LYST: variants seen among roughly 807,000 people sequenced by gnomAD.
LYST encodes lysosomal trafficking regulator.
Under a neutral mutation model 413.6 loss-of-function variants are expected in LYST, and 192 were observed. The ratio of observed to expected loss-of-function variants is 0.46; its 90% CI spans 0.41 to 0.52. The LOEUF is 0.52. LYST is among the 20% of genes least tolerant of loss of function. The pLI, the probability that LYST is intolerant of heterozygous loss-of-function variation, is 0.00. For synonymous variants in LYST, 1,525 were observed against 1,567.3 expected (o/e 0.97, Z 0.64); for missense variants, 3,815 against 4,499.9 (o/e 0.85, Z 4.35).
intron 48 of LYST, among the ~76,000 whole-genome samples, chr1:235,680,152 T>C (rs1478140465): frequency 6.6e-6 from 1 of 152,058 alleles, no homozygotes; most frequent in Non-Finnish European, 1.5e-5. Flanking sequence ...TTTGTATATA[T>C]ATTTTATCCA....
At position 235,734,577 on chromosome 1, in the gene LYST, G is replaced by C. The variant is rs1176230982; in HGVS notation, c.8441C>G (p.Ala2814Gly). Residue 2814 changes from alanine to glycine, a missense_variant, in exon 32 of 53, where the codon GCA becomes GGA. Physicochemically the swap from Ala to Gly is moderately conservative, Grantham distance 60. Coordinates refer to ENST00000389793, the MANE Select transcript of LYST (RefSeq NM_000081.4). The part of the protein sequence containing the change: ...GELTEEELGT[A>G]ELLMNALKLC... ...CTTCAAAGCATTCATAAGCAGTTCT[G>C]CTGTGCCTAGCTCTTCTTCAGTCAA... is the stretch of plus-strand genomic sequence containing the variant. 4 of 1,613,272 alleles carry C rather than the reference G, an allele frequency of 2.5e-6. No individual in the cohort carries two copies. The South Asian group carries it at 4.4e-5, about 18-fold the overall frequency.
In LYST at chr1:235,677,584, G is replaced by A; in HGVS notation, c.10836C>T (p.Leu3612=). 1.2e-6 allele frequency: 2 copies of A among 1,612,732 alleles called. No homozygotes were observed. Among genetic ancestry groups the A allele is most frequent in the Non-Finnish European group, 1.7e-6 (2 of 1,178,950 alleles). The change falls in exon 49 of 53, where the codon CTC becomes CTT. Residue 3612 remains leucine, a synonymous_variant. Coordinates refer to ENST00000389793, the MANE Select transcript of LYST (RefSeq NM_000081.4). ...TGGTTATCTCTTCTGTGTGACCATA[G>A]AGATGTATTTGAGTCTCCATTTCTA... ...SEIEMETQIH[L]YGHTEEITSL... is the part of the protein sequence containing the mutation.
intron 48 of LYST, among the ~76,000 whole-genome samples, chr1:235,683,872 T>C (rs1345287176): frequency 6.6e-6 from 1 of 152,178 alleles, no homozygotes; most frequent in South Asian, 2.1e-4. Context: ...ACACGATCCC[T>C]GGGAAAAAGC....
rs1429098651 is a variant in LYST, at chr1:235,664,677, C to T, written c.11039-56G>A. The T allele has an allele frequency of 4.4e-6, 7 of 1,588,288 alleles. No homozygotes were observed. The East Asian group carries it at 9.0e-5, about 20-fold the overall frequency. ...CAGAATGTGGCTGTCTCAGAGCCCA[C>T]ATTTGGCCCCAGAAGGGCAACCCTG... On this transcript the variant is annotated intron_variant, in intron 50 of 52. Coordinates refer to ENST00000389793, the MANE Select transcript of LYST (RefSeq NM_000081.4). The surrounding 1 kb of genome is among the most constrained non-coding windows in gnomAD (Gnocchi z 4.5).
At chr1:235,718,363 CTTTTT>C (rs549670425) in intron 40 of LYST, among the ~76,000 whole-genome samples, 11 of 145,454 alleles carry the variant, frequency 7.6e-5, no homozygotes, top group African/African-American at 2.7e-4. Context: ...AGCATATTCA[CTTTTT>C]TTTTTTTTCA....
chr1:235,729,882 C>T (rs1008287705), intron 36 of LYST, among the ~76,000 whole-genome samples: 1 of 152,048 alleles, frequency 6.6e-6, no homozygotes, highest in Non-Finnish European at 1.5e-5. Context: ...ATCCCTATAA[C>T]CTGTAGACAG....
chr1:235,861,962 C>A (rs888724177), intron 1 of LYST, among the ~76,000 whole-genome samples: 4 of 152,298 alleles, frequency 2.6e-5, no homozygotes, highest in Non-Finnish European at 5.9e-5. Context: ...TACTAACTTA[C>A]CAGTGTTAAA....
intron 48 of LYST, 79 bp from the exon 49 acceptor site, chr1:235,677,698 C>G: frequency 9.8e-7 from 1 of 1,019,420 alleles, no homozygotes; most frequent in South Asian, 1.3e-5. Context: ...ATAAAACAAC[C>G]AAAGTGACTC....
upstream of LYST, among the ~76,000 whole-genome samples, chr1:235,869,299 C>G (rs576220533): frequency 1.8e-4 from 27 of 152,028 alleles, no homozygotes; most frequent in African/African-American, 6.3e-4. Context: ...GGTGAAACCC[C>G]GTCTCTACTA....
At chr1:235,730,097 A>C (rs892981507) in intron 36 of LYST, among the ~76,000 whole-genome samples, 15 of 151,892 alleles carry the variant, frequency 9.9e-5, no homozygotes, top group Admixed American at 9.2e-4. Context: ...TATCAAATAC[A>C]TTTTTAAAAA....
chr1:235,747,218 G>A (rs774552806), intron 28 of LYST: 2 of 451,252 alleles, frequency 4.4e-6, no homozygotes, highest in Non-Finnish European at 8.9e-6. Context: ...GAAAACTGGG[G>A]GGATGAGTCT....
chr1:235,682,735 A>T (rs1659921666), intron 48 of LYST, among the ~76,000 whole-genome samples: 1 of 152,238 alleles, frequency 6.6e-6, no homozygotes, highest in Admixed American at 6.5e-5. Context: ...AATACAAAGT[A>T]AGCAGTCAGT....
intron 46 of LYST, among the ~76,000 whole-genome samples, chr1:235,695,127 A>C (rs567416183): frequency 6.6e-6 from 1 of 152,348 alleles, no homozygotes; most frequent in South Asian, 2.1e-4. Context: ...CCCAGACCCT[A>C]GGGTATTTAC....
intron 3 of LYST, among the ~76,000 whole-genome samples, chr1:235,825,287 G>A (rs1675205169): frequency 6.6e-6 from 1 of 152,156 alleles, no homozygotes; most frequent in African/African-American, 2.4e-5. Flanking sequence ...CCTTAGGTCA[G>A]ACACTAAACC....
Position 235,675,382 on chromosome 1 carries a change from C to T in LYST, c.11038+1709G>A, listed in dbSNP as rs1307351531. Among the ~76,000 whole-genome samples the T allele has an allele frequency of 2.6e-5, 4 of 152,178 alleles. No homozygotes were observed. In the East Asian group the frequency reaches 7.7e-4, roughly 29 times the overall value. ...GTTAGATTGTGCAGTCTGACTCCAGCCAATGGCGAGAGGATACAGCAACAG... is the reference window on the plus strand; with the variant it reads ...GTTAGATTGTGCAGTCTGACTCCAGTCAATGGCGAGAGGATACAGCAACAG... On this transcript the variant is annotated intron_variant, in intron 50 of 52. Coordinates refer to ENST00000389793, the MANE Select transcript of LYST (RefSeq NM_000081.4).
In LYST at chr1:235,791,826, A is replaced by G. The variant is rs1308116011; in HGVS notation, c.4416T>C (p.Gly1472=). The G allele has an allele frequency of 1.2e-6, 2 of 1,614,154 alleles. No homozygotes were observed. Among genetic ancestry groups the G allele is most frequent in the African/African-American group, 2.7e-5 (2 of 75,046 alleles). ...CATTAAACCACAGGGAAACACTGAA[A>G]CCTTCTGATAGGTGTGGCCAGCAGT... ...GQNCWPHLSE[G]FSVSLWFNVE... The change falls in exon 12 of 53, where the codon GGT becomes GGC. Residue 1472 remains glycine, a synonymous_variant. Transcript: ENST00000389793.
intron 1 of LYST, among the ~76,000 whole-genome samples, chr1:235,834,911 TATC>T (rs1168545803): frequency 1.3e-5 from 2 of 151,974 alleles, no homozygotes; most frequent in Non-Finnish European, 2.9e-5. Context: ...AGCTAATCAA[TATC>T]ATGCAAATTT....
Position 235,664,183 on chromosome 1 carries a change from C to T in LYST, c.11196-128G>A. The stretch of plus-strand genomic sequence containing the variant: ...AACAAACAATTAACAGTAGTTCCCT[C>T]TAGGGAGTTTGCAGGGGGTAGATGT... On this transcript the variant is annotated intron_variant, in intron 51 of 52. Transcript: ENST00000389793. The surrounding 1 kb of genome is among the most constrained non-coding windows in gnomAD (Gnocchi z 4.5). The T allele has an allele frequency of 1.2e-6, 1 of 828,372 alleles. No homozygotes were observed. Among genetic ancestry groups the T allele is most frequent in the South Asian group, 1.4e-5 (1 of 71,214 alleles). The allele number at this position is 828,372 out of a possible 1,614,324, so 51.3% of individuals were successfully genotyped here. A position where few individuals can be genotyped will look rare whatever the true frequency, so the allele number is the denominator to read the frequency against.
At chr1:235,780,034 T>C (rs977792598) in intron 16 of LYST, among the ~76,000 whole-genome samples, 6 of 152,162 alleles carry the variant, frequency 3.9e-5, no homozygotes, top group African/African-American at 1.4e-4. Flanking sequence ...GAATAATATA[T>C]AAAAATCAAT....
Sources: gnomAD v4.1 joint callset for allele counts (sites outside exome capture counted in the v4.1 genomes callset) on GRCh38, gnomAD v4.1.1 for gene constraint, Gnocchi (gnomAD v3.1) non-coding constraint, MANE v1.5 for transcripts, NCBI Gene and HGNC (gene_info 2026-07-23, HGNC 2026-07-21) for gene names.